CDC14A: variants seen among roughly 807,000 people sequenced by gnomAD.
CDC14A encodes the protein dual specificity protein phosphatase CDC14A.
A neutral mutation model predicts 74.4 loss-of-function variants in CDC14A; 53 were observed. The ratio of observed to expected loss-of-function variants is 0.71; its 90% CI spans 0.57 to 0.89. The LOEUF (loss-of-function observed/expected upper bound fraction) is 0.89. Among genes scored for constraint, CDC14A ranks in the 40% least tolerant of loss-of-function variants. CDC14A has a pLI of 0.00. For missense variants in CDC14A, 646 were observed against 713.7 expected (o/e 0.91, Z 1.08); for synonymous variants, 247 against 258.4 (o/e 0.96, Z 0.43).
chr1:100,390,530 T>C (rs184176252), intron 3 of CDC14A, among the ~76,000 whole-genome samples: 3 of 152,344 alleles, frequency 2.0e-5, no homozygotes. Context: ...AATTATATTG[T>C]TGATTCTTAC....
chr1:100,506,353 C>T (rs1649235518), intron 15 of CDC14A, among the ~76,000 whole-genome samples: 1 of 152,118 alleles, frequency 6.6e-6, no homozygotes, highest in Non-Finnish European at 1.5e-5. Flanking sequence ...AACTACATAT[C>T]AAGAACATGA....
intron 13 of CDC14A, 45 bp downstream of exon 13, chr1:100,496,094 C>T (rs758057293): frequency 1.3e-6 from 2 of 1,514,586 alleles, no homozygotes; most frequent in Non-Finnish European, 1.8e-6. Flanking sequence ...TAAATATATG[C>T]TTCCTTTTAG....
intron 10 of CDC14A, among the ~76,000 whole-genome samples, chr1:100,475,296 G>C (rs375037148): frequency 1.8e-4 from 28 of 152,186 alleles, no homozygotes; most frequent in East Asian, 9.7e-4. Context: ...TATTTTGTCA[G>C]TTGTTTCATG....
chr1:100,348,917 G>T (rs149027264), upstream of CDC14A, among the ~76,000 whole-genome samples: 1 of 152,216 alleles, frequency 6.6e-6, no homozygotes, highest in Admixed American at 6.5e-5. Flanking sequence ...TTTTCAGGGC[G>T]AGTGCAGTGG....
chr1:100,398,108 T>C (rs1255889338), intron 4 of CDC14A, among the ~76,000 whole-genome samples: 2 of 152,206 alleles, frequency 1.3e-5, no homozygotes, highest in South Asian at 2.1e-4. Context: ...ATCTTTAAAA[T>C]AGGCATAATA....
intron 4 of CDC14A, among the ~76,000 whole-genome samples, chr1:100,401,403 G>T (rs570346562): frequency 2.8e-4 from 43 of 152,196 alleles, no homozygotes; most frequent in African/African-American, 9.2e-4. Context: ...TTAATATGGA[G>T]TAATTTAAAA....
At chr1:100,366,359 G>C (rs780278145) in intron 2 of CDC14A, among the ~76,000 whole-genome samples, 2 of 152,146 alleles carry the variant, frequency 1.3e-5, no homozygotes, top group Non-Finnish European at 1.5e-5. Context: ...TTTTGCTGAG[G>C]TGTTGGGAAT....
intron 15 of CDC14A, among the ~76,000 whole-genome samples, chr1:100,515,442 G>A (rs1353743447): frequency 1.3e-5 from 2 of 148,758 alleles, no homozygotes; most frequent in African/African-American, 2.5e-5. Context: ...GGAGTGCAAT[G>A]GAGTGATCTG....
At chr1:100,494,985 C>T in intron 12 of CDC14A, 55 bp downstream of exon 12, 7 of 866,452 alleles carry the variant, frequency 8.1e-6, no homozygotes, top group African/African-American at 1.7e-5. Context: ...GTGAATAGAA[C>T]ATTTCATCTT....
At chr1:100,371,580 G>A (rs989073385) in intron 2 of CDC14A, among the ~76,000 whole-genome samples, 4 of 152,078 alleles carry the variant, frequency 2.6e-5, no homozygotes, top group African/African-American at 9.7e-5. Flanking sequence ...GTTTAATTTT[G>A]TTAATGTGGT....
At chr1:100,353,369 GTCTC>G (rs1651399622) in intron 1 of CDC14A, among the ~76,000 whole-genome samples, 1 of 152,074 alleles carries the variant, frequency 6.6e-6, no homozygotes, top group Non-Finnish European at 1.5e-5. Flanking sequence ...CACCCCCCAA[GTCTC>G]TCTCCCTTCC....
intron 3 of CDC14A, among the ~76,000 whole-genome samples, chr1:100,389,338 G>A (rs889699493): frequency 5.9e-5 from 9 of 151,560 alleles, no homozygotes; most frequent in African/African-American, 2.2e-4. Context: ...GGTGCCTGTA[G>A]TCCCAGCTGC....
intron 2 of CDC14A, among the ~76,000 whole-genome samples, chr1:100,373,435 A>G (rs544138549): frequency 2.8e-4 from 42 of 152,330 alleles, no homozygotes; most frequent in Non-Finnish European, 4.9e-4. Context: ...TGAAAATTTA[A>G]AATATTGTGA....
At position 100,462,670 on chromosome 1, in the gene CDC14A, T is replaced by C; in HGVS notation, c.627T>C (p.Pro209=). ...KIENGYPLHA[P]EAYFPYFKKH... ...CTTTAGGTTATCCTCTTCACGCCCC[T>C]GAAGCCTACTTTCCTTATTTCAAAA... The change falls in exon 9 of 16, where the codon CCT becomes CCC. Residue 209 remains proline (P), a synonymous_variant. Coordinates refer to ENST00000336454, the MANE Select transcript of CDC14A (RefSeq NM_003672.4). 1 of 1,614,154 alleles carries C rather than the reference T, an allele frequency of 6.2e-7. No homozygotes were observed. Among genetic ancestry groups the C allele is most frequent in the Non-Finnish European group, 8.5e-7 (1 of 1,179,976 alleles).
intron 8 of CDC14A, among the ~76,000 whole-genome samples, chr1:100,460,772 A>G (rs1667236009): frequency 6.6e-6 from 1 of 152,228 alleles, no homozygotes; most frequent in Non-Finnish European, 1.5e-5. Flanking sequence ...CTCAAAAGCA[A>G]CATAGCCTGT....
At chr1:100,476,090 T>C (rs1423340940) in intron 10 of CDC14A, among the ~76,000 whole-genome samples, 3 of 152,192 alleles carry the variant, frequency 2.0e-5, no homozygotes, top group Non-Finnish European at 4.4e-5. Flanking sequence ...AAATGTTTTG[T>C]TGTCTACTAG....
At chr1:100,427,571 G>A (rs1449096582) in intron 5 of CDC14A, among the ~76,000 whole-genome samples, 1 of 152,088 alleles carries the variant, frequency 6.6e-6, no homozygotes, top group East Asian at 1.9e-4. Flanking sequence ...GTATTACAAG[G>A]CTACATACAA....
intron 7 of CDC14A, among the ~76,000 whole-genome samples, chr1:100,444,602 A>T (rs935472845): frequency 1.3e-5 from 2 of 152,048 alleles, no homozygotes; most frequent in Non-Finnish European, 2.9e-5. Flanking sequence ...TGCTTGGCTG[A>T]GGTTGCTTTT....
intron 2 of CDC14A, among the ~76,000 whole-genome samples, chr1:100,364,923 T>C (rs12085272): frequency 0.23 from 34,748 of 152,154 alleles, 5,336 homozygotes; most frequent in African/African-American, 0.44. Context: ...AAGCACTCAC[T>C]TATTTTACAG....
Sources: allele counts gnomAD v4.1 joint callset (sites outside exome capture counted in the v4.1 genomes callset), GRCh38; gene constraint gnomAD v4.1.1; transcripts MANE v1.5; gene names NCBI Gene and HGNC (gene_info 2026-07-23, HGNC 2026-07-21).